RAB38: variants seen among roughly 807,000 people sequenced by gnomAD.
RAB38 encodes the protein RAB38, member RAS oncogene family, also known as ras-related protein Rab-38.
Under a neutral mutation model 18.4 loss-of-function variants are expected in RAB38, and 15 were observed. The observed-to-expected ratio is 0.82, with a 90% CI of 0.55 to 1.26. RAB38 has a LOEUF of 1.26. RAB38 is among the 50% of genes most tolerant of loss of function. The pLI, the probability that RAB38 is intolerant of heterozygous loss-of-function variation, is 0.00. For synonymous variants in RAB38, 101 were observed against 104.4 expected (o/e 0.97, Z 0.20); for missense variants, 294 against 267.4 (o/e 1.10, Z -0.69).
the RAB38 span, among the ~76,000 whole-genome samples, chr11:87,969,130 G>C: frequency 9.2e-5 from 14 of 152,102 alleles, no homozygotes; most frequent in African/African-American, 3.4e-4. Flanking sequence ...TGGGGGACAA[G>C]GAAGAAGATA....
the RAB38 span, among the ~76,000 whole-genome samples, chr11:87,853,012 T>A: frequency 1.3e-5 from 2 of 152,166 alleles, no homozygotes; most frequent in African/African-American, 2.4e-5. Context: ...CAAAAATATA[T>A]GTGATAATTG....
intron 2 of RAB38, among the ~76,000 whole-genome samples, chr11:88,144,566 T>C (rs7124205): frequency 0.01 from 1,578 of 152,288 alleles, 32 homozygotes; most frequent in African/African-American, 0.036. Flanking sequence ...TAGAGAACAG[T>C]ATTAGATATA....
the RAB38 span, among the ~76,000 whole-genome samples, chr11:87,893,390 A>ATATATATATATTTTTT: frequency 3.2e-4 from 30 of 93,886 alleles, no homozygotes; most frequent in African/African-American, 6.0e-4. Context: ...ATATATATAT[A>ATATATATATATTTTTT]TTTTTTTTTT....
the RAB38 span, among the ~76,000 whole-genome samples, chr11:87,926,263 A>C: frequency 6.6e-6 from 1 of 151,960 alleles, no homozygotes; most frequent in Non-Finnish European, 1.5e-5. Context: ...AAAAGCTTCA[A>C]ACCTATGTTC....
the RAB38 span, among the ~76,000 whole-genome samples, chr11:87,931,847 T>C: frequency 1.3e-5 from 2 of 151,874 alleles, no homozygotes; most frequent in Non-Finnish European, 1.5e-5. Context: ...GAATGTGTGT[T>C]CTCTGACTAA....
the RAB38 span, among the ~76,000 whole-genome samples, chr11:87,975,187 A>T: frequency 1.3e-5 from 2 of 151,858 alleles, no homozygotes; most frequent in African/African-American, 2.4e-5. Context: ...TTTGGGGCTC[A>T]TCTTAAATCC....
intron 1 of RAB38, among the ~76,000 whole-genome samples, chr11:88,168,648 T>A (rs1410591241): frequency 7.8e-6 from 1 of 127,860 alleles, no homozygotes; most frequent in East Asian, 2.1e-4. Context: ...ACTTCTCAAA[T>A]CTTCAAGTTT....
At chr11:87,915,812 G>A in the RAB38 span, among the ~76,000 whole-genome samples, 4 of 152,112 alleles carry the variant, frequency 2.6e-5, no homozygotes, top group Non-Finnish European at 5.9e-5. Context: ...AATCAAGACT[G>A]CTTTCTGGTA....
chr11:88,117,957 A>G (rs1372252195), intron 2 of RAB38, among the ~76,000 whole-genome samples: 2 of 152,180 alleles, frequency 1.3e-5, no homozygotes, highest in Non-Finnish European at 2.9e-5. Context: ...TTCATTTTGC[A>G]GTTGAAGATA....
the RAB38 span, among the ~76,000 whole-genome samples, chr11:88,026,086 T>G: frequency 1.3e-5 from 2 of 152,044 alleles, no homozygotes; most frequent in African/African-American, 2.4e-5. Context: ...TGCCTCAGCC[T>G]CCTGAGTAGC....
the RAB38 span, among the ~76,000 whole-genome samples, chr11:87,930,193 T>C: frequency 6.6e-6 from 1 of 152,058 alleles, no homozygotes; most frequent in Non-Finnish European, 1.5e-5. Flanking sequence ...AGTGTAAAAG[T>C]GTTCCTATTT....
the RAB38 span, among the ~76,000 whole-genome samples, chr11:88,025,083 C>T: frequency 0.77 from 116,918 of 151,768 alleles, 45,532 homozygotes; most frequent in African/African-American, 0.88. Flanking sequence ...TTCCATGATG[C>T]GATTATTACA....
At chr11:88,025,253 T>C in the RAB38 span, among the ~76,000 whole-genome samples, 142 of 151,314 alleles carry the variant, frequency 9.4e-4, no homozygotes, top group Non-Finnish European at 1.7e-3. Flanking sequence ...ATATTATATA[T>C]AGTCACATTT....
At chr11:87,850,647 C>G in the RAB38 span, among the ~76,000 whole-genome samples, 1 of 151,550 alleles carries the variant, frequency 6.6e-6, no homozygotes, top group African/African-American at 2.4e-5. Context: ...GTCTTTTCTT[C>G]CCAAGTATAT....
At chr11:87,928,577 G>A in the RAB38 span, among the ~76,000 whole-genome samples, 1 of 151,488 alleles carries the variant, frequency 6.6e-6, no homozygotes, top group African/African-American at 2.4e-5. Flanking sequence ...GTAGATCAAA[G>A]GGTAAAAATA....
the RAB38 span, among the ~76,000 whole-genome samples, chr11:88,036,567 C>T: frequency 6.6e-6 from 1 of 152,038 alleles, no homozygotes; most frequent in African/African-American, 2.4e-5. Flanking sequence ...AATTTCTGTG[C>T]ATTTCCTTTT....
intron 2 of RAB38, among the ~76,000 whole-genome samples, chr11:88,142,304 G>A (rs567769369): frequency 1.3e-5 from 2 of 152,316 alleles, no homozygotes; most frequent in Non-Finnish European, 2.9e-5. Flanking sequence ...CATGGAAAAC[G>A]GGGATAATGC....
chr11:88,112,936 TTTA>T (rs1287950356), downstream of RAB38, among the ~76,000 whole-genome samples: 1 of 152,100 alleles, frequency 6.6e-6, no homozygotes, highest in Non-Finnish European at 1.5e-5. Flanking sequence ...CAATGCATAT[TTTA>T]TTGTTTCTTT....
At chr11:88,173,172 T>A (rs537670373) in intron 1 of RAB38, among the ~76,000 whole-genome samples, 3 of 152,290 alleles carry the variant, frequency 2.0e-5, no homozygotes, top group Admixed American at 1.3e-4. Flanking sequence ...ATATGTAATA[T>A]TGGGATCACA....
Sources: gnomAD v4.1 joint callset for allele counts (sites outside exome capture counted in the v4.1 genomes callset) on GRCh38, gnomAD v4.1.1 for gene constraint, MANE v1.5 for transcripts, NCBI Gene and HGNC (gene_info 2026-07-23, HGNC 2026-07-21) for gene names.